BICD1: variants seen among roughly 807,000 people sequenced by gnomAD.
BICD1 encodes protein bicaudal D homolog 1.
A neutral mutation model predicts 92.5 loss-of-function variants in BICD1; 35 were observed. That is an observed-to-expected ratio of 0.38 (90% CI 0.29 to 0.50). The LOEUF (loss-of-function observed/expected upper bound fraction) is 0.50. Ranked by LOEUF, BICD1 falls within the 20% of genes least tolerant of loss-of-function variation. The probability of loss-of-function intolerance (pLI) is 0.93; values close to 1 mark genes in which losing one functional copy is unlikely to be tolerated. For missense variants in BICD1, 950 were observed against 1,189.8 expected, an observed-to-expected ratio of 0.80 and a Z score of 2.97; for synonymous variants, 429 against 465.1, an observed-to-expected ratio of 0.92 and a Z score of 1.00.
intron 4 of BICD1, among the ~76,000 whole-genome samples, chr12:32,314,469 TGGTGG>T (rs2136232981): frequency 6.6e-6 from 1 of 152,392 alleles, no homozygotes; most frequent in Admixed American, 6.5e-5. Context: ...ATAGCCATCC[TGGTGG>T]ATGTGAAGTG....
chr12:32,190,809 C>T (rs1035677580), intron 1 of BICD1, among the ~76,000 whole-genome samples: 4 of 152,134 alleles, frequency 2.6e-5, no homozygotes, highest in Non-Finnish European at 4.4e-5. Context: ...TTCTCAAGGA[C>T]GCTTGGAACA....
chr12:32,121,761 C>G (rs1313224169), intron 1 of BICD1, among the ~76,000 whole-genome samples: 1 of 151,806 alleles, frequency 6.6e-6, no homozygotes, highest in Non-Finnish European at 1.5e-5. Flanking sequence ...CAAAGAAAAC[C>G]TACGGTTAAT....
intron 1 of BICD1, among the ~76,000 whole-genome samples, chr12:32,157,427 CT>C (rs1166567044): frequency 6.6e-6 from 1 of 152,176 alleles, no homozygotes; most frequent in African/African-American, 2.4e-5. Flanking sequence ...ATTATGATTA[CT>C]TTTGGATACT....
At chr12:32,308,215 C>G (rs1036613704) in intron 4 of BICD1, among the ~76,000 whole-genome samples, 62 of 152,312 alleles carry the variant, frequency 4.1e-4, no homozygotes, top group African/African-American at 1.5e-3. Context: ...TTGGTTTAGG[C>G]GGTTCCTCAT....
intron 1 of BICD1, among the ~76,000 whole-genome samples, chr12:32,179,260 A>G (rs17587443): frequency 0.015 from 2,210 of 152,068 alleles, 47 homozygotes; most frequent in Non-Finnish European, 0.023. Context: ...GTGATGAAGC[A>G]GTTCTGTGGA....
At chr12:32,130,744 G>A (rs1942515286) in intron 1 of BICD1, among the ~76,000 whole-genome samples, 2 of 152,070 alleles carry the variant, frequency 1.3e-5, no homozygotes, top group Admixed American at 1.3e-4. Context: ...GATCATATGT[G>A]TGTGGAACAT....
chr12:32,204,813 G>C (rs1945001541), intron 1 of BICD1, among the ~76,000 whole-genome samples: 1 of 152,174 alleles, frequency 6.6e-6, no homozygotes, highest in South Asian at 2.1e-4. Flanking sequence ...TGTTCAAGGG[G>C]AATGCAGTGA....
chr12:32,286,884 A>T (rs2136180908), intron 2 of BICD1, among the ~76,000 whole-genome samples: 1 of 152,342 alleles, frequency 6.6e-6, no homozygotes, highest in South Asian at 2.1e-4. Context: ...TATAAAATGT[A>T]TAAAAAGTAA....
chr12:32,231,537 C>A (rs1327801014), intron 2 of BICD1, among the ~76,000 whole-genome samples: 4 of 151,404 alleles, frequency 2.6e-5, no homozygotes, highest in Non-Finnish European at 5.9e-5. Context: ...AAAATGGTAC[C>A]AATTCTTTTA....
intron 2 of BICD1, among the ~76,000 whole-genome samples, chr12:32,248,700 C>G (rs762271328): frequency 3.9e-5 from 6 of 152,132 alleles, no homozygotes; most frequent in Non-Finnish European, 5.9e-5. Flanking sequence ...TTTAGCTCAG[C>G]TAGGTTCAGG....
At chr12:32,131,714 C>T (rs1268931795) in intron 1 of BICD1, among the ~76,000 whole-genome samples, 2 of 152,138 alleles carry the variant, frequency 1.3e-5, no homozygotes, top group Non-Finnish European at 2.9e-5. Context: ...TAAAAAAATT[C>T]CTGATCGTAA....
intron 1 of BICD1, among the ~76,000 whole-genome samples, chr12:32,188,861 G>A (rs1033585798): frequency 2.6e-5 from 4 of 152,010 alleles, no homozygotes; most frequent in African/African-American, 7.3e-5. Context: ...CCGAGTAGCT[G>A]GGACTACAGG....
At chr12:32,253,981 G>A (rs536420999) in intron 2 of BICD1, among the ~76,000 whole-genome samples, 42 of 142,864 alleles carry the variant, frequency 2.9e-4, no homozygotes, top group African/African-American at 8.4e-4. Flanking sequence ...AATCACTGCC[G>A]TATCCCACCT....
At chr12:32,258,321 G>T (rs1946770349) in intron 2 of BICD1, among the ~76,000 whole-genome samples, 1 of 152,084 alleles carries the variant, frequency 6.6e-6, no homozygotes, top group Non-Finnish European at 1.5e-5. Flanking sequence ...TTGTACTATG[G>T]TTTCAACTTG....
chr12:32,109,528 A>G (rs185728218), intron 1 of BICD1: 11 of 152,170 alleles, frequency 7.2e-5, no homozygotes, highest in African/African-American at 2.4e-4. Context: ...AATTTTTTCT[A>G]TAAATATTTT....
At chr12:32,129,054 G>A (rs1407975946) in intron 1 of BICD1, among the ~76,000 whole-genome samples, 1 of 151,936 alleles carries the variant, frequency 6.6e-6, no homozygotes, top group Non-Finnish European at 1.5e-5. Flanking sequence ...AGATTCTCCT[G>A]CCTCAGCCTC....
chr12:32,157,953 G>A (rs902799350), intron 1 of BICD1, among the ~76,000 whole-genome samples: 1 of 151,976 alleles, frequency 6.6e-6, no homozygotes, highest in Non-Finnish European at 1.5e-5. Flanking sequence ...CTGTGGCTCA[G>A]GTTCCAGATG....
intron 2 of BICD1, among the ~76,000 whole-genome samples, chr12:32,239,576 G>C (rs927178251): frequency 6.6e-6 from 1 of 150,642 alleles, no homozygotes; most frequent in Non-Finnish European, 1.5e-5. Context: ...GCTCACGATC[G>C]TTAGCGTTTT....
chr12:32,316,741 C>T (rs1948513851), intron 4 of BICD1, among the ~76,000 whole-genome samples: 1 of 151,476 alleles, frequency 6.6e-6, no homozygotes, highest in Non-Finnish European at 1.5e-5. Flanking sequence ...TTTTAGGGTA[C>T]ATATGCACAA....
Sources: gnomAD v4.1 joint callset for allele counts (sites outside exome capture counted in the v4.1 genomes callset) on GRCh38, gnomAD v4.1.1 for gene constraint, MANE v1.5 for transcripts, NCBI Gene and HGNC (gene_info 2026-07-23, HGNC 2026-07-21) for gene names.